DGKB: variants seen among roughly 807,000 people sequenced by gnomAD.
DGKB encodes the protein diacylglycerol kinase beta.
In DGKB, 67 loss-of-function variants were observed where a neutral mutation model predicts 114.3. That is an observed-to-expected ratio of 0.59 (90% CI 0.48 to 0.72). The LOEUF (loss-of-function observed/expected upper bound fraction) is 0.72, where lower values mean the gene tolerates loss of function less well. DGKB is among the 30% of genes least tolerant of loss of function. DGKB has a pLI of 0.00. For missense variants in DGKB, 907 were observed against 975.2 expected (o/e 0.93, Z 0.93); for synonymous variants, 398 against 323.1 (o/e 1.23, Z -2.49).
chr7:14,760,247 G>A (rs186908023), intron 2 of DGKB, among the ~76,000 whole-genome samples: 2 of 151,942 alleles, frequency 1.3e-5, no homozygotes, highest in Admixed American at 1.3e-4. Flanking sequence ...AATTTTTTAT[G>A]TCATGTCCCT....
At chr7:14,917,629 T>C (rs1448190890) in intron 1 of DGKB, among the ~76,000 whole-genome samples, 1 of 151,764 alleles carries the variant, frequency 6.6e-6, no homozygotes, top group East Asian at 1.9e-4. Flanking sequence ...AAATGAACAA[T>C]GATTAACCTT....
At chr7:14,225,152 T>G (rs772946312) in intron 23 of DGKB, among the ~76,000 whole-genome samples, 10 of 152,028 alleles carry the variant, frequency 6.6e-5, no homozygotes, top group Non-Finnish European at 1.2e-4. Context: ...TCACACTCTA[T>G]GACAAATTAA....
At chr7:14,365,834 T>C (rs901084436) in intron 21 of DGKB, among the ~76,000 whole-genome samples, 3 of 152,152 alleles carry the variant, frequency 2.0e-5, no homozygotes, top group African/African-American at 7.2e-5. Context: ...AATTAGTCTG[T>C]AAATAGCTTT....
At chr7:14,612,344 G>A (rs112508571) in intron 16 of DGKB, among the ~76,000 whole-genome samples, 48 of 151,582 alleles carry the variant, frequency 3.2e-4, no homozygotes, top group African/African-American at 1.1e-3. Context: ...TAATTTTTTC[G>A]TATTTTAGTA....
chr7:14,284,017 G>C (rs1432104938), intron 23 of DGKB, among the ~76,000 whole-genome samples: 1 of 152,056 alleles, frequency 6.6e-6, no homozygotes, highest in East Asian at 1.9e-4. Flanking sequence ...GACAAATGGG[G>C]TCTAATTAAA....
intron 17 of DGKB, among the ~76,000 whole-genome samples, chr7:14,584,617 A>G (rs1800448995): frequency 6.6e-6 from 1 of 152,038 alleles, no homozygotes. Context: ...AGAACACTCA[A>G]AGATGTGCCT....
At chr7:14,155,836 A>G (rs546167854) in intron 25 of DGKB, among the ~76,000 whole-genome samples, 1 of 152,228 alleles carries the variant, frequency 6.6e-6, no homozygotes, top group African/African-American at 2.4e-5. Context: ...TGGTGAACCT[A>G]CTGTTGAGGG....
chr7:14,952,185 C>T (rs1052404352), intron 1 of DGKB, among the ~76,000 whole-genome samples: 4 of 151,990 alleles, frequency 2.6e-5, no homozygotes, highest in African/African-American at 4.8e-5. Flanking sequence ...AAGGAACTAC[C>T]GGGAGAGAGA....
chr7:14,496,530 C>A (rs1785330547), intron 20 of DGKB, among the ~76,000 whole-genome samples: 1 of 149,088 alleles, frequency 6.7e-6, no homozygotes, highest in Non-Finnish European at 1.5e-5. Context: ...AAGTCATTTT[C>A]AGAATATTTA....
intron 17 of DGKB, 149 bp downstream of exon 17, chr7:14,607,285 A>G: frequency 3.7e-6 from 2 of 546,424 alleles, no homozygotes; most frequent in Non-Finnish European, 6.6e-6. Context: ...CAGTATTTGC[A>G]CTCATTTCTC....
At position 14,396,182 on chromosome 7, in the gene DGKB, T is replaced by C. The variant is rs114750786; in HGVS notation, c.1836-50791A>G. Among the ~76,000 whole-genome samples the C allele has an allele frequency of 1.9e-3, 288 of 152,188 alleles. 1 individual carries two copies. The highest frequency in any genetic ancestry group is 6.5e-3 in the African/African-American group (271 of 41,566). ...TTTAAATATATTAACTGTGAATAGA[T>C]GCAAAGTCTGTTACCTGAAAAATTT... On this transcript the variant is annotated intron_variant, in intron 21 of 25. Coordinates refer to ENST00000402815, the MANE Select transcript of DGKB (RefSeq NM_001350709.2).
At chr7:14,825,671 T>C (rs975381231) in intron 2 of DGKB, among the ~76,000 whole-genome samples, 1 of 152,146 alleles carries the variant, frequency 6.6e-6, no homozygotes, top group African/African-American at 2.4e-5. Flanking sequence ...TGCAGCCTGG[T>C]TCCTAACAGG....
chr7:14,734,849 G>C (rs1831470374), intron 5 of DGKB, among the ~76,000 whole-genome samples: 1 of 152,146 alleles, frequency 6.6e-6, no homozygotes, highest in Non-Finnish European at 1.5e-5. Context: ...TGTGATCAAA[G>C]AGTGAGAAAC....
chr7:14,580,209 C>T (rs867247907), intron 19 of DGKB, among the ~76,000 whole-genome samples: 1 of 152,180 alleles, frequency 6.6e-6, no homozygotes, highest in South Asian at 2.1e-4. Context: ...CTATGAAGTT[C>T]ACACCCAGCT....
chr7:14,653,932 T>C (rs994366135), intron 13 of DGKB, among the ~76,000 whole-genome samples: 10 of 151,986 alleles, frequency 6.6e-5, no homozygotes, highest in African/African-American at 2.4e-4. Context: ...AACAGTACAC[T>C]GAACAGAGAA....
intron 20 of DGKB, among the ~76,000 whole-genome samples, chr7:14,542,681 A>C (rs546880971): frequency 6.6e-6 from 1 of 152,270 alleles, no homozygotes; most frequent in South Asian, 2.1e-4. Flanking sequence ...CAAGCACAGA[A>C]TTCAAGGGTC....
At chr7:14,408,789 T>C (rs1244939585) in intron 21 of DGKB, among the ~76,000 whole-genome samples, 1 of 151,952 alleles carries the variant, frequency 6.6e-6, no homozygotes, top group Non-Finnish European at 1.5e-5. Flanking sequence ...TGTACGTGGA[T>C]TTTTTTTCAA....
At chr7:14,790,475 G>A (rs1191587040) in intron 2 of DGKB, among the ~76,000 whole-genome samples, 3 of 147,970 alleles carry the variant, frequency 2.0e-5, no homozygotes, top group Non-Finnish European at 4.4e-5. Flanking sequence ...TTTTTCTGAG[G>A]TGCACAATTT....
intron 21 of DGKB, among the ~76,000 whole-genome samples, chr7:14,388,490 A>T (rs1004891437): frequency 2.5e-4 from 37 of 150,132 alleles, no homozygotes; most frequent in African/African-American, 8.7e-4. Flanking sequence ...AAATACTAAA[A>T]AGACAACAGT....
Sources: gnomAD v4.1 joint callset for allele counts (sites outside exome capture counted in the v4.1 genomes callset) on GRCh38, gnomAD v4.1.1 for gene constraint, MANE v1.5 for transcripts, NCBI Gene and HGNC (gene_info 2026-07-23, HGNC 2026-07-21) for gene names.